RASA3: variants seen among roughly 807,000 people sequenced by gnomAD.
RASA3 encodes ras GTPase-activating protein 3.
A neutral mutation model predicts 110.0 loss-of-function variants in RASA3; 73 were observed. The observed-to-expected ratio is 0.66, with a 90% CI of 0.55 to 0.81. The LOEUF (loss-of-function observed/expected upper bound fraction) is 0.81, where lower values mean the gene tolerates loss of function less well. RASA3 is among the 30% of genes least tolerant of loss of function. The pLI, the probability that RASA3 is intolerant of heterozygous loss-of-function variation, is 0.00. For missense variants in RASA3, 976 were observed against 1,113.2 expected (o/e 0.88, Z 1.75); for synonymous variants, 500 against 451.4 (o/e 1.11, Z -1.37).
chr13:113,991,961 G>A (rs891681570), intron 22 of RASA3, among the ~76,000 whole-genome samples: 24 of 151,686 alleles, frequency 1.6e-4, no homozygotes, highest in Admixed American at 3.9e-4. Context: ...ACTCACACAC[G>A]TCCATTCATG....
intron 1 of RASA3, among the ~76,000 whole-genome samples, chr13:114,088,929 G>C (rs1179667645): frequency 6.6e-6 from 1 of 152,152 alleles, no homozygotes; most frequent in East Asian, 1.9e-4. Flanking sequence ...TGGAAACAAA[G>C]TAGAGACGAT....
At chr13:114,124,237 C>T (rs887876837) in intron 1 of RASA3, among the ~76,000 whole-genome samples, 3 of 152,182 alleles carry the variant, frequency 2.0e-5, no homozygotes, top group Admixed American at 6.5e-5. Flanking sequence ...TATTTGAAAA[C>T]GAAAACTAAG....
At chr13:114,023,816 G>A (rs527373333) in intron 8 of RASA3, among the ~76,000 whole-genome samples, 6 of 152,240 alleles carry the variant, frequency 3.9e-5, no homozygotes, top group Non-Finnish European at 8.8e-5. Flanking sequence ...GACGCCAGGT[G>A]AGAGTGTTTC....
rs2079943191 is a variant in RASA3, at chr13:114,096,240, G to C, written c.56-22403C>G. 6.6e-6 allele frequency among the ~76,000 whole-genome samples: 1 copy of C among 152,178 alleles called. No homozygotes were observed. The highest frequency in any genetic ancestry group is 1.5e-5 in the Non-Finnish European group (1 of 68,028). On this transcript the variant is annotated intron_variant, in intron 1 of 23. Coordinates refer to ENST00000334062, the MANE Select transcript of RASA3 (RefSeq NM_007368.4). The surrounding 1 kb of genome is among the most constrained non-coding windows in gnomAD (Gnocchi z 5.1). ...GCAGGCCCACCCCGGCGTGCTGCCT[G>C]GGAGTCCACGTTCTCGAAAATGCAG...
At position 114,013,226 on chromosome 13, in the gene RASA3, A is replaced by G. The variant is rs2053680180; in HGVS notation, c.1428T>C (p.Thr476=). 5 of 1,613,020 alleles carry G rather than the reference A, an allele frequency of 3.1e-6. No homozygotes were observed. Among genetic ancestry groups the G allele is most frequent in the Non-Finnish European group, 2.5e-6 (3 of 1,179,582 alleles). The part of the protein sequence containing the change: ...RFQDDPDVRY[T]AVSSFIFLRF... ...TCAGGAAGATGAAGCTGCTCACTGC[A>G]GTGTACCTGACGTCCGGGTCATCTG... Residue 476 remains threonine (T), a synonymous_variant, in exon 15 of 24, where the codon ACT becomes ACC. Coordinates refer to ENST00000334062, the MANE Select transcript of RASA3 (RefSeq NM_007368.4).
At chr13:114,041,722 G>C (rs1004514585) in intron 3 of RASA3, among the ~76,000 whole-genome samples, 1 of 152,252 alleles carries the variant, frequency 6.6e-6, no homozygotes, top group Admixed American at 6.5e-5. Flanking sequence ...CATGCATGTG[G>C]GTGCTCAGGT....
chr13:114,122,613 G>A (rs961833840), intron 1 of RASA3, among the ~76,000 whole-genome samples: 3 of 152,350 alleles, frequency 2.0e-5, no homozygotes, highest in African/African-American at 4.8e-5. Flanking sequence ...ACCTGGGCCC[G>A]GGGGTGCAGG....
chr13:114,044,611 T>C (rs959910304), intron 3 of RASA3, among the ~76,000 whole-genome samples: 1 of 140,720 alleles, frequency 7.1e-6, no homozygotes, highest in South Asian at 2.5e-4. Flanking sequence ...TGTCCTCTCC[T>C]CTGACGACCG....
At chr13:113,993,251 C>A (rs2053159656) in intron 21 of RASA3, among the ~76,000 whole-genome samples, 1 of 152,166 alleles carries the variant, frequency 6.6e-6, no homozygotes, top group Admixed American at 6.5e-5. Context: ...TCTCAGCTCA[C>A]TGAAACCTAC....
At chr13:114,012,268 C>CGTTT (rs2053650876) in intron 15 of RASA3, among the ~76,000 whole-genome samples, 1 of 151,902 alleles carries the variant, frequency 6.6e-6, no homozygotes. Context: ...GGTCGGTGAA[C>CGTTT]CACCTGCAAC....
At chr13:114,071,222 A>G (rs2079568180) in intron 2 of RASA3, among the ~76,000 whole-genome samples, 1 of 152,224 alleles carries the variant, frequency 6.6e-6, no homozygotes, top group Non-Finnish European at 1.5e-5. Context: ...GCCTCAAGCA[A>G]TCCTCACACC....
Position 114,024,344 on chromosome 13 carries a change from G to A in RASA3, c.615C>T (p.Pro205=), listed in dbSNP as rs137917377. ...DEVFYFEVTR[P]CSYSKKSHFD... ...AGTGGGACTTCTTGCTGTAGCTACA[G>A]GGCCGGGTCACCTGGAGTCAGACGA... The change falls in exon 8 of 24, where the codon CCC becomes CCT. Residue 205 remains proline, a synonymous_variant. Coordinates refer to ENST00000334062, the MANE Select transcript of RASA3 (RefSeq NM_007368.4). 3 of 1,613,686 alleles carry A rather than the reference G, an allele frequency of 1.9e-6. No individual in the cohort carries two copies. The African/African-American group carries it at 4.0e-5, about 22-fold the overall frequency.
chr13:114,116,933 TG>T (rs1379642303), intron 1 of RASA3, among the ~76,000 whole-genome samples: 3 of 81,710 alleles, frequency 3.7e-5, no homozygotes, highest in Non-Finnish European at 4.6e-5. Context: ...AGCACGTGTG[TG>T]AGGGGAGCAC....
chr13:113,991,360 T>C (rs1437879722), intron 22 of RASA3, among the ~76,000 whole-genome samples: 2 of 152,202 alleles, frequency 1.3e-5, no homozygotes, highest in Non-Finnish European at 2.9e-5. Flanking sequence ...TTGACACTTC[T>C]GGGTTAAATC....
rs1158243714 is a variant in RASA3 at position 114,011,993 on chromosome 13, C to T, written c.1513-745G>A. Among the ~76,000 whole-genome samples, 1 of 152,020 alleles carries T rather than the reference C, an allele frequency of 6.6e-6. No homozygotes were observed. Among genetic ancestry groups the T allele is most frequent in the Non-Finnish European group, 1.5e-5 (1 of 67,984 alleles). Reference sequence around the variant, plus strand: ...CCCTGGCCATCTCCTTCCAGCTCTGCCACCCGCACGTGCAACACGGTCACC... The same window carrying T: ...CCCTGGCCATCTCCTTCCAGCTCTGTCACCCGCACGTGCAACACGGTCACC... On this transcript the variant is annotated intron_variant, in intron 15 of 23. Transcript: ENST00000334062. This position sits in a 1 kb window ranked among gnomAD's most constrained non-coding sequence, Gnocchi z 4.8.
chr13:114,117,012 C>A (rs552339908), intron 1 of RASA3, among the ~76,000 whole-genome samples: 137 of 107,910 alleles, frequency 1.3e-3, no homozygotes, highest in African/African-American at 4.6e-3. Context: ...GAGGGGTGCA[C>A]GTGTGTGAGG....
chr13:114,105,364 C>T (rs1566577732), intron 1 of RASA3, among the ~76,000 whole-genome samples: 2 of 152,086 alleles, frequency 1.3e-5, no homozygotes, highest in Admixed American at 6.5e-5. Flanking sequence ...GGCAGGTTCA[C>T]AGCAGCAGTG....
In RASA3 at chr13:114,057,290, C is replaced by A; in HGVS notation, c.174-5135G>T. On this transcript the variant is annotated intron_variant, in intron 2 of 23. Coordinates refer to ENST00000334062, the MANE Select transcript of RASA3 (RefSeq NM_007368.4). This position sits in a 1 kb window ranked among gnomAD's most constrained non-coding sequence, Gnocchi z 5.0. ...GGAAACCAGGCAGGACATCTGCAGG[C>A]GGCCGGCCAGCCTTATCAACGGAGC... is the stretch of plus-strand genomic sequence containing the variant. 1 of 985,434 alleles carries A rather than the reference C, an allele frequency of 1.0e-6. No homozygotes were observed. Among genetic ancestry groups the A allele is most frequent in the East Asian group, 1.1e-4 (1 of 8,820 alleles). The allele number at this position is 985,434 out of a possible 1,614,324, so 61.0% of individuals were successfully genotyped here.
chr13:114,015,278 C>A lies in RASA3; in HGVS notation c.1336G>T (p.Val446Leu), dbSNP rs965630795. Reference sequence around the variant, plus strand: ...TCACACATGACGGTCGGGCAGCTCACCCCAGACTCAGTGATGGCGTGGAAG... The same window carrying A: ...TCACACATGACGGTCGGGCAGCTCAACCCAGACTCAGTGATGGCGTGGAAG... Reference protein sequence around the residue: ...RVFHAITESGVSCPTVMCDIF... With the variant: ...RVFHAITESGLSCPTVMCDIF... The change falls in exon 14 of 24, where the codon GTG becomes TTG. Residue 446 changes from valine (V) to leucine (L), a missense_variant. Around this residue, in one of 4 missense-constraint regions of RASA3, gnomAD observed 732 missense variants for 779.7 expected, o/e 0.94. Coordinates refer to ENST00000334062, the MANE Select transcript of RASA3 (RefSeq NM_007368.4). The A allele has an allele frequency of 6.2e-7, 1 of 1,613,062 alleles. No individual in the cohort carries two copies.
Sources: allele counts gnomAD v4.1 joint callset (sites outside exome capture counted in the v4.1 genomes callset), GRCh38; gene constraint gnomAD v4.1.1; regional missense constraint gnomAD v4.1.1; non-coding constraint Gnocchi (gnomAD v3.1); transcripts MANE v1.5; gene names NCBI Gene and HGNC (gene_info 2026-07-23, HGNC 2026-07-21).